ZNF644: variants seen among roughly 807,000 people sequenced by gnomAD.
ZNF644 encodes the protein zinc finger protein 644, also known as zinc finger motif enhancer binding protein 2.
Under a neutral mutation model 108.0 loss-of-function variants are expected in ZNF644, and 20 were observed. The ratio of observed to expected loss-of-function variants is 0.19; its 90% CI spans 0.13 to 0.27. The LOEUF is 0.27. Ranked by LOEUF, ZNF644 falls within the 10% of genes least tolerant of loss-of-function variation. The probability of loss-of-function intolerance (pLI) is 1.00; values close to 1 mark genes in which losing one functional copy is unlikely to be tolerated. For synonymous variants in ZNF644, 542 were observed against 539.1 expected (o/e 1.01, Z -0.08); for missense variants, 1,338 against 1,548.9 (o/e 0.86, Z 2.29).
intron 1 of ZNF644, among the ~76,000 whole-genome samples, chr1:90,995,193 A>T (rs1658036205): frequency 6.6e-6 from 1 of 152,160 alleles, no homozygotes; most frequent in Admixed American, 6.5e-5. Context: ...AATTATGTTC[A>T]AACAATTGAC....
intron 2 of ZNF644, among the ~76,000 whole-genome samples, chr1:90,981,647 G>T (rs77642238): frequency 6.6e-6 from 1 of 151,876 alleles, no homozygotes; most frequent in Non-Finnish European, 1.5e-5. Flanking sequence ...TTTAAAACAT[G>T]TCAACGGCTT....
At chr1:90,983,939 A>C (rs1271949541) in intron 1 of ZNF644, among the ~76,000 whole-genome samples, 1 of 152,122 alleles carries the variant, frequency 6.6e-6, no homozygotes. Context: ...AAAAAAGAGG[A>C]AGAAGAAGAA....
intron 1 of ZNF644, among the ~76,000 whole-genome samples, chr1:90,999,891 G>C (rs181808076): frequency 6.6e-5 from 10 of 152,286 alleles, no homozygotes; most frequent in Admixed American, 6.5e-4. Flanking sequence ...TGCAATCCTA[G>C]TCTCTGATAA....
chr1:90,925,591 C>A (rs1649936963), intron 4 of ZNF644, among the ~76,000 whole-genome samples: 2 of 149,472 alleles, frequency 1.3e-5, no homozygotes. Flanking sequence ...TTTAAGATTC[C>A]CAAACATATA....
intron 1 of ZNF644, among the ~76,000 whole-genome samples, chr1:91,002,085 G>T (rs1268927145): frequency 5.3e-5 from 8 of 152,174 alleles, no homozygotes; most frequent in South Asian, 4.2e-4. Context: ...ATCAGTATCG[G>T]GAAAATGGCC....
intron 4 of ZNF644, chr1:90,935,506 C>T: frequency 3.0e-6 from 3 of 985,846 alleles, no homozygotes; most frequent in Non-Finnish European, 3.6e-6. Flanking sequence ...GCAATGCACA[C>T]ATGTTCTAAG....
intron 2 of ZNF644, among the ~76,000 whole-genome samples, chr1:90,960,624 CA>C (rs1654244589): frequency 6.6e-6 from 1 of 152,110 alleles, no homozygotes; most frequent in South Asian, 2.1e-4. Context: ...TGACGACACC[CA>C]ATCTAGGACA....
rs191343586 is a variant in ZNF644 at position 90,957,957 on chromosome 1, T to C, written c.45-16648A>G. ...CACAACAGCAACATGCAAAAATCAG[T>C]TGTGCTTCTATATACCAGCAACGAA... On this transcript the variant is annotated intron_variant, in intron 2 of 5. Coordinates refer to ENST00000337393, the MANE Select transcript of ZNF644 (RefSeq NM_201269.3). 1.5e-3 allele frequency among the ~76,000 whole-genome samples: 225 copies of C among 152,190 alleles called. 2 individuals carry two copies. The highest frequency in any genetic ancestry group is 5.1e-3 in the African/African-American group (211 of 41,544).
At position 90,970,420 on chromosome 1, in the gene ZNF644, C is replaced by T. The variant is rs142968635; in HGVS notation, c.44+11890G>A. On this transcript the variant is annotated intron_variant, in intron 2 of 5. Transcript: ENST00000337393. Reference sequence around the variant, plus strand: ...AAATGACAGATTGTGCAACTCCTCCCCTGGAATTTGATTCCACTTTACCAA... The same window carrying T: ...AAATGACAGATTGTGCAACTCCTCCTCTGGAATTTGATTCCACTTTACCAA... Among the ~76,000 whole-genome samples, 251 of 152,258 alleles carry T rather than the reference C, an allele frequency of 1.6e-3. 2 individuals are homozygous for T. Among genetic ancestry groups the T allele is most frequent in the African/African-American group, 5.9e-3 (247 of 41,560 alleles).
intron 1 of ZNF644, among the ~76,000 whole-genome samples, chr1:90,994,627 G>A (rs2101616455): frequency 6.6e-6 from 1 of 152,342 alleles, no homozygotes; most frequent in South Asian, 2.1e-4. Flanking sequence ...TACTGAATCT[G>A]TTGCCTTTCA....
chr1:90,921,867 CG>C (rs2100791935), intron 4 of ZNF644, among the ~76,000 whole-genome samples: 1 of 152,152 alleles, frequency 6.6e-6, no homozygotes, highest in Admixed American at 6.6e-5. Context: ...ATGAATACGA[CG>C]ACCAATGACC....
intron 1 of ZNF644, among the ~76,000 whole-genome samples, chr1:91,013,484 TACACACAC>T (rs772232056): frequency 9.5e-6 from 1 of 104,978 alleles, no homozygotes; most frequent in Non-Finnish European, 2.1e-5. Context: ...CACACACACA[TACACACAC>T]ACACACACAT....
chr1:90,984,911 A>G (rs547008156), intron 1 of ZNF644, among the ~76,000 whole-genome samples: 2 of 152,318 alleles, frequency 1.3e-5, no homozygotes, highest in African/African-American at 4.8e-5. Flanking sequence ...TTAAAACTAT[A>G]TATGGTTGCA....
chr1:90,959,957 C>A (rs527207), intron 2 of ZNF644, among the ~76,000 whole-genome samples: 87 of 152,264 alleles, frequency 5.7e-4, no homozygotes, highest in Middle Eastern at 3.4e-3. Context: ...TTGATGACAT[C>A]TTGCACCATC....
intron 4 of ZNF644, among the ~76,000 whole-genome samples, chr1:90,924,665 T>C (rs114915967): frequency 6.1e-4 from 93 of 152,282 alleles, no homozygotes; most frequent in African/African-American, 2.1e-3. Context: ...TGGATCTGAT[T>C]TGGCTTTTTA....
At chr1:90,950,789 TACAG>T (rs1653077965) in intron 2 of ZNF644, among the ~76,000 whole-genome samples, 1 of 152,166 alleles carries the variant, frequency 6.6e-6, no homozygotes, top group Non-Finnish European at 1.5e-5. Context: ...CCCCTGAAAG[TACAG>T]ACAGACTTCT....
intron 2 of ZNF644, among the ~76,000 whole-genome samples, chr1:90,957,293 C>G (rs1653844829): frequency 6.6e-6 from 1 of 152,142 alleles, no homozygotes; most frequent in Admixed American, 6.6e-5. Flanking sequence ...ACATTCTAAG[C>G]AGCCAGCATT....
chr1:90,941,332 T>G, intron 2 of ZNF644, 23 bp from the exon 3 acceptor site: 1 of 1,588,548 alleles, frequency 6.3e-7, no homozygotes, highest in East Asian at 2.2e-5. Context: ...AAAAAAAAAT[T>G]TAGATTTGCA....
chr1:91,020,075 T>C (rs75462759), intron 1 of ZNF644, among the ~76,000 whole-genome samples: 17,376 of 152,158 alleles, frequency 0.11, 1,054 homozygotes, highest in South Asian at 0.16. Flanking sequence ...TCATCTCTGG[T>C]CCTCAATATA....
Sources: allele counts gnomAD v4.1 joint callset (sites outside exome capture counted in the v4.1 genomes callset), GRCh38; gene constraint gnomAD v4.1.1; transcripts MANE v1.5; gene names NCBI Gene and HGNC (gene_info 2026-07-23, HGNC 2026-07-21).